The following B3GAT1 variants were observed in gnomAD, a reference collection of about 807,000 sequenced individuals.
B3GAT1 encodes the protein galactosylgalactosylxylosylprotein 3-beta-glucuronosyltransferase 1.
B3GAT1 carries 11 observed loss-of-function variants against 28.4 expected under a neutral mutation model. That is an observed-to-expected ratio of 0.39 (90% CI 0.24 to 0.64). The LOEUF is 0.64. B3GAT1 is among the 30% of genes least tolerant of loss of function. B3GAT1 has a pLI of 0.50. For synonymous variants in B3GAT1, 255 were observed against 223.1 expected, an observed-to-expected ratio of 1.14 and a Z score of -1.27; for missense variants, 375 against 491.0, an observed-to-expected ratio of 0.76 and a Z score of 2.23.
chr11:134,399,764 G>A (rs974246960), intron 1 of B3GAT1, among the ~76,000 whole-genome samples: 3 of 152,178 alleles, frequency 2.0e-5, no homozygotes, highest in Admixed American at 6.5e-5. Context: ...AGGGTCTCTC[G>A]TGATGGGCTG....
intron 1 of B3GAT1, among the ~76,000 whole-genome samples, chr11:134,401,687 C>T (rs1326869522): frequency 6.6e-6 from 1 of 152,042 alleles, no homozygotes; most frequent in Non-Finnish European, 1.5e-5. Context: ...ACATAATATA[C>T]CCGGGTAACA....
chr11:134,408,278 G>A (rs866213932), intron 1 of B3GAT1, among the ~76,000 whole-genome samples: 94 of 99,052 alleles, frequency 9.5e-4, no homozygotes, highest in East Asian at 1.4e-3. Context: ...ACCGATTCCA[G>A]TGGGGTGAGG....
intron 1 of B3GAT1, among the ~76,000 whole-genome samples, chr11:134,408,260 CAGCCTGCACCGAT>C (rs1302888750): frequency 8.5e-4 from 98 of 115,942 alleles, no homozygotes; most frequent in East Asian, 1.2e-3. Flanking sequence ...GGAGGTGGGA[CAGCCTGCACCGAT>C]TCCAGTGGGG....
At chr11:134,388,249 G>C (rs541876333) in intron 1 of B3GAT1, 2 of 236,258 alleles carry the variant, frequency 8.5e-6, no homozygotes, top group African/African-American at 4.4e-5. Context: ...CCTTTGCCAA[G>C]TCATTTCCGT....
intron 1 of B3GAT1, chr11:134,409,934 C>T (rs951119633): frequency 6.6e-6 from 1 of 152,670 alleles, no homozygotes. Flanking sequence ...ATGCTCCTGT[C>T]CGCTCAGCCT....
At chr11:134,404,745 G>A (rs1387364086) in intron 1 of B3GAT1, among the ~76,000 whole-genome samples, 1 of 152,232 alleles carries the variant, frequency 6.6e-6, no homozygotes, top group Non-Finnish European at 1.5e-5. Flanking sequence ...CTGGGGAGCC[G>A]CAGAGACACA....
intron 1 of B3GAT1, among the ~76,000 whole-genome samples, chr11:134,400,488 T>C (rs559788939): frequency 7.2e-5 from 11 of 152,340 alleles, no homozygotes; most frequent in Non-Finnish European, 1.5e-4. Flanking sequence ...TTAGATCATA[T>C]AGAACACAGT....
At chr11:134,405,383 A>C (rs1591651743) in intron 1 of B3GAT1, among the ~76,000 whole-genome samples, 1 of 152,088 alleles carries the variant, frequency 6.6e-6, no homozygotes, top group South Asian at 2.1e-4. Flanking sequence ...ACTGATGGTC[A>C]CCCGCCTGGT....
At chr11:134,402,843 G>A (rs1944646779) in intron 1 of B3GAT1, among the ~76,000 whole-genome samples, 3 of 151,916 alleles carry the variant, frequency 2.0e-5, no homozygotes, top group Non-Finnish European at 4.4e-5. Context: ...AGCCCGGGAG[G>A]TGGAGTTTGC....
chr11:134,404,290 G>A (rs111549873), intron 1 of B3GAT1, among the ~76,000 whole-genome samples: 3,027 of 151,712 alleles, frequency 0.02, 93 homozygotes, highest in African/African-American at 0.065. Context: ...TTGTCCTTGC[G>A]ACAGTTTGCT....
At chr11:134,392,136 G>A (rs993673578) in intron 1 of B3GAT1, 1 of 152,258 alleles carries the variant, frequency 6.6e-6, no homozygotes, top group African/African-American at 2.4e-5. Flanking sequence ...GGAAAGTGTA[G>A]CTCAGTGGGC....
At position 134,383,668 on chromosome 11, in the gene B3GAT1, G is replaced by A. The variant is rs749840547; in HGVS notation, c.621+12C>T. 1.3e-6 allele frequency: 2 copies of A among 1,545,650 alleles called. No individual in the cohort carries two copies. The highest frequency in any genetic ancestry group is 1.2e-5 in the South Asian group (1 of 81,928). ...CGGAGGTCCCGCTGCTCACTGTCGGGCCCTCCCTCACCTCTTCGAAGAGCT... is the reference window on the plus strand; with the variant it reads ...CGGAGGTCCCGCTGCTCACTGTCGGACCCTCCCTCACCTCTTCGAAGAGCT... On this transcript the variant is annotated intron_variant, in intron 3 of 5. Transcript: ENST00000312527.
At chr11:134,405,936 C>T (rs1401467791) in intron 1 of B3GAT1, among the ~76,000 whole-genome samples, 1 of 152,222 alleles carries the variant, frequency 6.6e-6, no homozygotes, top group Non-Finnish European at 1.5e-5. Context: ...TGGGCAGGGT[C>T]CCTCCCTCTG....
chr11:134,397,963 G>A (rs889669064), intron 1 of B3GAT1, among the ~76,000 whole-genome samples: 2 of 152,162 alleles, frequency 1.3e-5, no homozygotes, highest in Non-Finnish European at 2.9e-5. Flanking sequence ...TTGGGGAGAC[G>A]CCAGTCTGAC....
At chr11:134,394,492 G>A (rs1039680814) in intron 1 of B3GAT1, among the ~76,000 whole-genome samples, 3 of 152,176 alleles carry the variant, frequency 2.0e-5, no homozygotes, top group Non-Finnish European at 4.4e-5. Context: ...CCACCCACTG[G>A]GCAACCCTGC....
intron 1 of B3GAT1, among the ~76,000 whole-genome samples, chr11:134,404,263 A>G (rs1322282515): frequency 6.6e-6 from 1 of 151,006 alleles, no homozygotes; most frequent in East Asian, 2.0e-4. Flanking sequence ...GAGTGAGAAC[A>G]TGCGGTGTTT....
chr11:134,407,688 T>C (rs1264860797), intron 1 of B3GAT1, among the ~76,000 whole-genome samples: 2 of 151,900 alleles, frequency 1.3e-5, no homozygotes, highest in African/African-American at 4.8e-5. Context: ...CTCATTTTAA[T>C]ATTGGCTGGA....
At chr11:134,383,121 G>A (rs971416559) in intron 3 of B3GAT1, 115 bp from the exon 4 acceptor site, 5 of 1,190,934 alleles carry the variant, frequency 4.2e-6, no homozygotes, top group Non-Finnish European at 4.6e-6. Context: ...GGCCAGCCGC[G>A]GCCACCTAGG....
intron 1 of B3GAT1, among the ~76,000 whole-genome samples, chr11:134,410,387 A>G (rs1188201573): frequency 6.6e-6 from 1 of 152,218 alleles, no homozygotes; most frequent in Non-Finnish European, 1.5e-5. Context: ...GCACAGATGC[A>G]TTAACTCTCC....
Sources: gnomAD v4.1 joint callset for allele counts (sites outside exome capture counted in the v4.1 genomes callset) on GRCh38, gnomAD v4.1.1 for gene constraint, MANE v1.5 for transcripts, NCBI Gene and HGNC (gene_info 2026-07-23, HGNC 2026-07-21) for gene names.